The following HECW2 variants were observed in gnomAD, a reference collection of about 807,000 sequenced individuals.
The protein encoded by HECW2 is E3 ubiquitin-protein ligase HECW2.
A neutral mutation model predicts 175.2 loss-of-function variants in HECW2; 61 were observed. The ratio of observed to expected loss-of-function variants is 0.35; its 90% confidence interval spans 0.28 to 0.43. HECW2 has a LOEUF of 0.43. Ranked by LOEUF, HECW2 falls within the 20% of genes least tolerant of loss-of-function variation. The pLI is 1.00. For missense variants in HECW2, 1,524 were observed against 2,000.5 expected, an observed-to-expected ratio of 0.76 and a Z score of 4.54; for synonymous variants, 671 against 731.0, an observed-to-expected ratio of 0.92 and a Z score of 1.32.
chr2:196,269,488 C>G (rs113580707), intron 17 of HECW2: 1 of 110,696 alleles, frequency 9.0e-6, no homozygotes, highest in African/African-American at 4.3e-5. Context: ...TCCGTCTCCC[C>G]CTACCTCCAA....
intron 2 of HECW2, chr2:196,362,200 C>G (rs766869295): frequency 1.4e-5 from 14 of 985,264 alleles, no homozygotes; most frequent in Non-Finnish European, 1.7e-5. Flanking sequence ...CACATCCCCT[C>G]GGCTGAGGCA....
At chr2:196,295,071 C>A (rs1427088589) in intron 13 of HECW2, among the ~76,000 whole-genome samples, 1 of 152,142 alleles carries the variant, frequency 6.6e-6, no homozygotes, top group Non-Finnish European at 1.5e-5. Flanking sequence ...AACCTTAATT[C>A]CTCAGTACAC....
intron 2 of HECW2, among the ~76,000 whole-genome samples, chr2:196,424,124 C>A (rs1695478717): frequency 6.6e-6 from 1 of 151,904 alleles, no homozygotes; most frequent in Non-Finnish European, 1.5e-5. Context: ...TATTATTATG[C>A]CTGTCGTGAT....
intron 13 of HECW2, among the ~76,000 whole-genome samples, chr2:196,295,116 C>A (rs977962143): frequency 2.0e-5 from 3 of 152,060 alleles, no homozygotes; most frequent in African/African-American, 7.2e-5. Flanking sequence ...ATATTTCAAC[C>A]GACAGGCTAA....
intron 1 of HECW2, among the ~76,000 whole-genome samples, chr2:196,525,672 G>A (rs1306816560): frequency 6.6e-6 from 1 of 150,480 alleles, no homozygotes; most frequent in Non-Finnish European, 1.5e-5. Context: ...GGGCAGGCCT[G>A]GTGGTGACAA....
intron 1 of HECW2, among the ~76,000 whole-genome samples, chr2:196,485,456 G>T (rs984970705): frequency 6.6e-6 from 1 of 152,210 alleles, no homozygotes; most frequent in African/African-American, 2.4e-5. Context: ...AGCAGGTTTG[G>T]TGTCTAGTGA....
chr2:196,401,562 A>T (rs1220850699), intron 2 of HECW2, among the ~76,000 whole-genome samples: 1 of 152,162 alleles, frequency 6.6e-6, no homozygotes, highest in Non-Finnish European at 1.5e-5. Context: ...ACGCTACCTC[A>T]AAAAATATGG....
Position 196,196,031 on chromosome 2 carries a change from C to A in HECW2, c.*5246G>T, listed in dbSNP as rs1031536505. ...ACCAGCAAGCCCTAAGATGATCCATCTACCGTTGTTTTAACTTTCCCTCCA... is the reference window on the plus strand; with the variant it reads ...ACCAGCAAGCCCTAAGATGATCCATATACCGTTGTTTTAACTTTCCCTCCA... On this transcript the variant is annotated 3_prime_UTR_variant, in exon 29 of 29. Coordinates refer to ENST00000644978, the MANE Select transcript of HECW2 (RefSeq NM_001348768.2). The A allele has an allele frequency of 6.6e-6, 1 of 152,098 alleles. No individual in the cohort carries two copies. Among genetic ancestry groups the A allele is most frequent in the Non-Finnish European group, 1.5e-5 (1 of 68,038 alleles). 9.4% of individuals were successfully genotyped at this position (152,098 alleles called of 1,614,324 possible). A position where few individuals can be genotyped will look rare whatever the true frequency, so the allele number is the denominator to read the frequency against.
chr2:196,304,039 C>T (rs1691168472), intron 13 of HECW2, among the ~76,000 whole-genome samples: 1 of 152,212 alleles, frequency 6.6e-6, no homozygotes, highest in African/African-American at 2.4e-5. Flanking sequence ...CCATTCTTTG[C>T]ATAACAGCTA....
intron 18 of HECW2, among the ~76,000 whole-genome samples, chr2:196,256,633 C>G (rs1185943450): frequency 6.6e-6 from 1 of 152,146 alleles, no homozygotes; most frequent in African/African-American, 2.4e-5. Flanking sequence ...AGAAAAAGAG[C>G]ATATCCTGGC....
At chr2:196,472,636 T>C (rs1432491444) in intron 1 of HECW2, among the ~76,000 whole-genome samples, 1 of 152,118 alleles carries the variant, frequency 6.6e-6, no homozygotes, top group East Asian at 1.9e-4. Flanking sequence ...TTTCTTTTTT[T>C]TTGAGATGGA....
chr2:196,419,195 ATAT>A (rs1695340459), intron 2 of HECW2, among the ~76,000 whole-genome samples: 1 of 152,202 alleles, frequency 6.6e-6, no homozygotes, highest in African/African-American at 2.4e-5. Flanking sequence ...TGAGACAGCG[ATAT>A]TATAAAATAC....
intron 1 of HECW2, among the ~76,000 whole-genome samples, chr2:196,557,395 C>CA (rs769376664): frequency 0.035 from 4,195 of 120,848 alleles, 187 homozygotes; most frequent in African/African-American, 0.11. Flanking sequence ...AACTCCACCT[C>CA]AAAAAAAAAA....
chr2:196,451,633 C>T (rs985541348), intron 1 of HECW2, among the ~76,000 whole-genome samples: 3 of 151,716 alleles, frequency 2.0e-5, no homozygotes, highest in Non-Finnish European at 4.4e-5. Context: ...GGCGCAGTGG[C>T]TCATGCCTGT....
chr2:196,392,044 C>T (rs1299115455), intron 2 of HECW2, among the ~76,000 whole-genome samples: 2 of 152,188 alleles, frequency 1.3e-5, no homozygotes, highest in Non-Finnish European at 2.9e-5. Context: ...AAAGACCCTA[C>T]TTCCAAGCAA....
rs1256631276 is a variant in HECW2, at chr2:196,440,801, C to T, written c.-35-7343G>A. On this transcript the variant is annotated intron_variant, in intron 1 of 28. Transcript: ENST00000644978. ...ATATGGCTTAAGTAGAAAGCTGGTC[C>T]TTTAAAGCTCCTTAGATAACTCATC... is the stretch of plus-strand genomic sequence containing the variant. 2.0e-5 allele frequency among the ~76,000 whole-genome samples: 3 copies of T among 152,088 alleles called. No individual in the cohort carries two copies. In the East Asian group the frequency reaches 5.8e-4, roughly 29 times the overall value.
At chr2:196,384,517 T>G (rs11676253) in intron 2 of HECW2, among the ~76,000 whole-genome samples, 152,217 of 152,294 alleles carry the variant, frequency 1, 76,070 homozygotes, top group Non-Finnish European at 1. Context: ...GGGAGGCAGA[T>G]GCTGCAGTGA....
At chr2:196,389,942 G>A (rs571533052) in intron 2 of HECW2, among the ~76,000 whole-genome samples, 1 of 152,194 alleles carries the variant, frequency 6.6e-6, no homozygotes, top group East Asian at 1.9e-4. Context: ...CACCACTCAT[G>A]CTAAGCTTCC....
chr2:196,320,906 C>T (rs1237912347), intron 7 of HECW2, among the ~76,000 whole-genome samples: 3 of 152,208 alleles, frequency 2.0e-5, no homozygotes, highest in Non-Finnish European at 4.4e-5. Flanking sequence ...GATTATCACC[C>T]AACATGGCAC....
Sources: gnomAD v4.1 joint callset for allele counts (sites outside exome capture counted in the v4.1 genomes callset) on GRCh38, gnomAD v4.1.1 for gene constraint, MANE v1.5 for transcripts, NCBI Gene and HGNC (gene_info 2026-07-23, HGNC 2026-07-21) for gene names.